The following AP3S2 variants were observed in gnomAD, a reference collection of about 807,000 sequenced individuals.
AP3S2 encodes the protein adaptor related protein complex 3 subunit sigma 2.
AP3S2 carries 22 observed loss-of-function variants against 23.4 expected under a neutral mutation model. The ratio of observed to expected loss-of-function variants is 0.94; its 90% CI spans 0.67 to 1.34. The LOEUF (loss-of-function observed/expected upper bound fraction) is 1.34. AP3S2 is among the 40% of genes most tolerant of loss of function. The probability of loss-of-function intolerance (pLI) is 0.00; values close to 1 mark genes in which losing one functional copy is unlikely to be tolerated. For missense variants in AP3S2, 241 were observed against 236.9 expected (o/e 1.02, Z -0.11); for synonymous variants, 86 against 87.1 (o/e 0.99, Z 0.07).
intron 3 of AP3S2, among the ~76,000 whole-genome samples, chr15:89,887,360 T>C (rs915452610): frequency 6.6e-6 from 1 of 152,072 alleles, no homozygotes; most frequent in Non-Finnish European, 1.5e-5. Context: ...CATTTATTTA[T>C]GTATTTATTT....
At chr15:89,892,868 G>C (rs1319843201) in intron 1 of AP3S2, among the ~76,000 whole-genome samples, 2 of 152,126 alleles carry the variant, frequency 1.3e-5, no homozygotes, top group Admixed American at 6.5e-5. Context: ...GTTTCACCGT[G>C]TTAGCCAGGA....
Position 89,835,350 on chromosome 15 carries a change from G to T in AP3S2, c.*165C>A. On this transcript the variant is annotated 3_prime_UTR_variant, in exon 6 of 6. Coordinates refer to ENST00000336418, the MANE Select transcript of AP3S2 (RefSeq NM_005829.5). ...GGGTGCACCCGAGCAGTGTCAATAG[G>T]AATCCCTTCCCTATTCCATGCCAAA... The T allele has an allele frequency of 8.1e-7, 1 of 1,241,076 alleles. No homozygotes were observed. Among genetic ancestry groups the T allele is most frequent in the Non-Finnish European group, 1.1e-6 (1 of 900,886 alleles). 76.9% of individuals were successfully genotyped at this position (1,241,076 alleles called of 1,614,324 possible).
chr15:89,884,298 C>T lies in AP3S2; in HGVS notation c.273+4223G>A, dbSNP rs1297955939. Among the ~76,000 whole-genome samples, 10 of 151,966 alleles carry T rather than the reference C, an allele frequency of 6.6e-5. No individual in the cohort carries two copies. The East Asian group carries it at 1.9e-3, about 29-fold the overall frequency. ...TTTCTTTGTTATACTGACTTGCATT[C>T]TTGGGATAAATACTATTTGGACACA... On this transcript the variant is annotated intron_variant, in intron 3 of 5. Coordinates refer to ENST00000336418, the MANE Select transcript of AP3S2 (RefSeq NM_005829.5).
rs538249263 is a variant in AP3S2, at chr15:89,890,796, A to C, written c.70-1656T>G. On this transcript the variant is annotated intron_variant, in intron 1 of 5. Coordinates refer to ENST00000336418, the MANE Select transcript of AP3S2 (RefSeq NM_005829.5). ...TAGCTTTGAAATGGTTATTTAAAAGAAACAGAGAGGGGAAAAAAGGGAAAA... is the reference window on the plus strand; with the variant it reads ...TAGCTTTGAAATGGTTATTTAAAAGCAACAGAGAGGGGAAAAAAGGGAAAA... Among the ~76,000 whole-genome samples, 5 of 152,352 alleles carry C rather than the reference A, an allele frequency of 3.3e-5. No individual in the cohort carries two copies. In the East Asian group the frequency reaches 9.6e-4, roughly 29 times the overall value.
intron 4 of AP3S2, 107 bp downstream of exon 4, chr15:89,871,368 T>TAA: frequency 1.0e-6 from 1 of 997,176 alleles, no homozygotes; most frequent in Non-Finnish European, 1.5e-6. Flanking sequence ...ATCTTAAGAG[T>TAA]AAAAAAAAAC....
Position 89,833,188 on chromosome 15 carries a change from G to C in AP3S2, c.*2327C>G, listed in dbSNP as rs1435391495. The C allele has an allele frequency of 6.6e-6, 1 of 152,158 alleles. No individual in the cohort carries two copies. Among genetic ancestry groups the C allele is most frequent in the Non-Finnish European group, 1.5e-5 (1 of 68,040 alleles). 9.4% of individuals were successfully genotyped at this position (152,158 alleles called of 1,614,324 possible). The stretch of plus-strand genomic sequence containing the variant: ...CTCAACATAACATTTACCACCTTGG[G>C]CTTCGGCTTCAACATCAGTTAAATG... On this transcript the variant is annotated 3_prime_UTR_variant, in exon 6 of 6. Coordinates refer to ENST00000336418, the MANE Select transcript of AP3S2 (RefSeq NM_005829.5).
intron 3 of AP3S2, among the ~76,000 whole-genome samples, chr15:89,879,492 C>T (rs992444403): frequency 2.0e-5 from 3 of 151,960 alleles, no homozygotes; most frequent in Non-Finnish European, 2.9e-5. Flanking sequence ...GATGATACAT[C>T]CATATTATGG....
At chr15:89,860,549 ATTGT>A (rs1448622404) in intron 4 of AP3S2, among the ~76,000 whole-genome samples, 6 of 152,142 alleles carry the variant, frequency 3.9e-5, no homozygotes, top group East Asian at 1.9e-4. Flanking sequence ...TTTAAAACGT[ATTGT>A]TTATTTCTAG....
At chr15:89,861,389 A>G (rs151238605) in intron 4 of AP3S2, among the ~76,000 whole-genome samples, 77 of 152,342 alleles carry the variant, frequency 5.1e-4, no homozygotes, top group East Asian at 7.7e-4. Flanking sequence ...TGAAAGCCCA[A>G]TTGAATTCTA....
intron 4 of AP3S2, among the ~76,000 whole-genome samples, chr15:89,863,757 A>T (rs959809323): frequency 1.3e-5 from 2 of 152,200 alleles, no homozygotes; most frequent in Non-Finnish European, 2.9e-5. Flanking sequence ...GATCTTAAAG[A>T]CCTAGGAACT....
chr15:89,852,303 A>G (rs897681304), intron 4 of AP3S2: 2 of 152,242 alleles, frequency 1.3e-5, no homozygotes, highest in African/African-American at 4.8e-5. Flanking sequence ...CCTAGTTCTT[A>G]GTAAGTACTC....
chr15:89,836,700 C>T (rs1310294169), intron 5 of AP3S2, among the ~76,000 whole-genome samples: 1 of 152,178 alleles, frequency 6.6e-6, no homozygotes, highest in African/African-American at 2.4e-5. Context: ...CTGCTTCTGC[C>T]CTCACCCAGC....
At chr15:89,847,296 A>G (rs1895516835) in intron 4 of AP3S2, among the ~76,000 whole-genome samples, 1 of 145,050 alleles carries the variant, frequency 6.9e-6, no homozygotes, top group African/African-American at 2.5e-5. Context: ...AGGTAAGAGG[A>G]TCACTTGAGC....
At chr15:89,868,727 G>A (rs1596208824) in intron 4 of AP3S2, among the ~76,000 whole-genome samples, 2 of 108,898 alleles carry the variant, frequency 1.8e-5, no homozygotes, top group Non-Finnish European at 3.9e-5. Flanking sequence ...CAGCCGCCCC[G>A]TCTGGGAGGT....
At chr15:89,843,971 C>T (rs917350283) in intron 4 of AP3S2, among the ~76,000 whole-genome samples, 8 of 152,100 alleles carry the variant, frequency 5.3e-5, no homozygotes, top group African/African-American at 1.9e-4. Flanking sequence ...CTAGCAAAAA[C>T]TAGGAAGAGA....
intron 3 of AP3S2, among the ~76,000 whole-genome samples, chr15:89,875,992 C>G (rs1360684731): frequency 1.3e-5 from 2 of 151,986 alleles, no homozygotes; most frequent in Non-Finnish European, 2.9e-5. Context: ...GACACAAACA[C>G]AAAGAAAGCC....
At chr15:89,871,363 A>C in intron 4 of AP3S2, 112 bp downstream of exon 4, 1 of 992,444 alleles carries the variant, frequency 1.0e-6, no homozygotes, top group African/African-American at 1.7e-5. Context: ...GGACTATCTT[A>C]AGAGTAAAAA....
intron 4 of AP3S2, among the ~76,000 whole-genome samples, chr15:89,866,487 C>CTTT (rs926497551): frequency 7.2e-6 from 1 of 138,248 alleles, no homozygotes; most frequent in Non-Finnish European, 1.6e-5. Flanking sequence ...AGACAACTTC[C>CTTT]TTTTTTTTTT....
chr15:89,846,413 A>G (rs1895490158), intron 4 of AP3S2, among the ~76,000 whole-genome samples: 1 of 151,956 alleles, frequency 6.6e-6, no homozygotes, highest in African/African-American at 2.4e-5. Flanking sequence ...GATGGAATAC[A>G]GTGGCATGAT....
Sources: allele counts gnomAD v4.1 joint callset (sites outside exome capture counted in the v4.1 genomes callset), GRCh38; gene constraint gnomAD v4.1.1; transcripts MANE v1.5; gene names NCBI Gene and HGNC (gene_info 2026-07-23, HGNC 2026-07-21).